SHOX: variants seen among roughly 807,000 people sequenced by gnomAD.
SHOX encodes the protein SHOX homeobox, also known as short stature homeobox protein.
A neutral mutation model predicts 29.6 loss-of-function variants in SHOX; 12 were observed. The ratio of observed to expected loss-of-function variants is 0.41; its 90% CI spans 0.26 to 0.66. SHOX has a LOEUF of 0.66. Among genes scored for constraint, SHOX ranks in the 30% least tolerant of loss-of-function variants. SHOX has a pLI of 0.35. For missense variants in SHOX, 499 were observed against 437.7 expected, an observed-to-expected ratio of 1.14 and a Z score of -1.25; for synonymous variants, 214 against 200.6, an observed-to-expected ratio of 1.07 and a Z score of -0.57.
rs1281787081 is a variant in SHOX, at chrX:643,446, G to A, written c.634-945G>A. Among the ~76,000 whole-genome samples the A allele has an allele frequency of 2.1e-5, 3 of 145,220 alleles. No individual in the cohort carries two copies. The East Asian group carries it at 6.4e-4, about 31-fold the overall frequency. On this transcript the variant is annotated intron_variant, in intron 4 of 4. Transcript: ENST00000686671. The stretch of plus-strand genomic sequence containing the variant: ...CCTTGGAGAGGCCTGGGGACCTGGT[G>A]ACCCGGGAGAGCCTTGGGGACCTGG...
chrX:641,486 C>T (rs1419832245), intron 4 of SHOX, among the ~76,000 whole-genome samples: 10 of 152,128 alleles, frequency 6.6e-5, no homozygotes, highest in African/African-American at 1.4e-4. Flanking sequence ...GTCAGGAATT[C>T]GAGACCAGCC....
rs1187680850 is a variant in SHOX at position 649,886 on chromosome X, A to C, written c.*5250A>C. ...TCCTTTGAGTGGCTGTTCTGGTGAA[A>C]TCTGTTTCTGACATATCCACTTTTC... On this transcript the variant is annotated 3_prime_UTR_variant, in exon 5 of 5. Transcript: ENST00000686671. 2.2e-6 allele frequency: 1 copy of C among 455,714 alleles called. No individual in the cohort carries two copies. Among genetic ancestry groups the C allele is most frequent in the Non-Finnish European group, 4.4e-6 (1 of 226,760 alleles). 28.2% of individuals were successfully genotyped at this position (455,714 alleles called of 1,614,324 possible).
At position 640,817 on chromosome X, in the gene SHOX, C is replaced by A. The variant is rs1342902960; in HGVS notation, c.487-4C>A. On this transcript the variant is annotated splice_region_variant and splice_polypyrimidine_tract_variant and intron_variant, in intron 2 of 4. Transcript: ENST00000686671. ...CTTCACATCTCTCTCTGCTTCTCCC[C>A]AAGGTTTGGTTCCAGAACCGGAGAG... 6.2e-7 allele frequency: 1 copy of A among 1,613,848 alleles called. No homozygotes were observed. Among genetic ancestry groups the A allele is most frequent in the East Asian group, 2.2e-5 (1 of 44,868 alleles).
rs2052944564 is a variant in SHOX, at chrX:645,275, G to A, written c.*639G>A. 6.6e-6 allele frequency: 1 copy of A among 152,070 alleles called. No individual in the cohort carries two copies. Among genetic ancestry groups the A allele is most frequent in the African/African-American group, 2.4e-5 (1 of 41,420 alleles). 9.4% of individuals were successfully genotyped at this position (152,070 alleles called of 1,614,324 possible). A position where few individuals can be genotyped will look rare whatever the true frequency, so the allele number is the denominator to read the frequency against. ...GGGCTTTGGAAAGGGAGGGGAGGGA[G>A]ACCCGAACCTCCCACGTTGGGACTC... On this transcript the variant is annotated 3_prime_UTR_variant, in exon 5 of 5. Coordinates refer to ENST00000686671, the MANE Select transcript of SHOX (RefSeq NM_000451.4).
downstream of SHOX, among the ~76,000 whole-genome samples, chrX:651,641 GAAAAAAAA>G (rs553983413): frequency 1.3e-4 from 14 of 107,560 alleles, no homozygotes; most frequent in East Asian, 2.6e-4. Context: ...AGGCTTATTG[GAAAAAAAA>G]AAAAAAAAAA....
intron 2 of SHOX, 82 bp downstream of exon 2, chrX:634,908 C>G (rs1207946560): frequency 2.1e-6 from 3 of 1,397,522 alleles, no homozygotes; most frequent in Admixed American, 2.2e-5. Context: ...CAGCCACCTG[C>G]GCCCGGGCCG....
chrX:633,841 T>A (rs2052690964), intron 1 of SHOX, among the ~76,000 whole-genome samples: 2 of 152,070 alleles, frequency 1.3e-5, no homozygotes, highest in Admixed American at 1.3e-4. Flanking sequence ...AGAGGCTGAA[T>A]GTCTAAAATG....
At chrX:643,315 C>T (rs1350988524) in intron 4 of SHOX, among the ~76,000 whole-genome samples, 6 of 107,726 alleles carry the variant, frequency 5.6e-5, no homozygotes, top group East Asian at 3.1e-4. Context: ...TCTGGTGAGC[C>T]GGGAGAGGCT....
In SHOX at chrX:644,597, G is replaced by C. The variant is rs914058289; in HGVS notation, c.840G>C (p.Arg280=). ...NSKNSSIADL[R]LKARKHAEAL... is the part of the protein sequence containing the mutation. ...AGAATTCCAGCATCGCCGACCTGCG[G>C]CTCAAGGCGCGGAAGCACGCGGAGG... Residue 280 remains arginine (R), a synonymous_variant, in exon 5 of 5, where the codon CGG becomes CGC. Coordinates refer to ENST00000686671, the MANE Select transcript of SHOX (RefSeq NM_000451.4). 3.6e-5 allele frequency: 54 copies of C among 1,511,466 alleles called. No individual in the cohort carries two copies. In the African/African-American group the frequency reaches 7.2e-4, roughly 20 times the overall value. 93.6% of individuals were successfully genotyped at this position (1,511,466 alleles called of 1,614,324 possible).
In SHOX at chrX:632,919, A is replaced by T. The variant is rs1172249181; in HGVS notation, c.278-1699A>T. Among the ~76,000 whole-genome samples, 3 of 152,216 alleles carry T rather than the reference A, an allele frequency of 2.0e-5. No individual in the cohort carries two copies. The East Asian group carries it at 5.8e-4, about 29-fold the overall frequency. On this transcript the variant is annotated intron_variant, in intron 1 of 4. Transcript: ENST00000686671. ...GTTGCTTTTTGGTTGTCCTTCGCAG[A>T]CACCGTTTTGCTCCTCTGAACTCTC...
chrX:655,600 CTCTCTCTCTCTCTCTATATATATATA>C (rs1374214717), downstream of SHOX, among the ~76,000 whole-genome samples: 265 of 54,078 alleles, frequency 4.9e-3, no homozygotes, highest in African/African-American at 6.8e-3. Context: ...CTCTCTCTCT[CTCTCTCTCTCTCTCTATATATATATA>C]TATATATATA....
In SHOX at chrX:645,627, C is replaced by A. The variant is rs1430352537; in HGVS notation, c.*991C>A. 2 of 152,086 alleles carry A rather than the reference C, an allele frequency of 1.3e-5. No individual in the cohort carries two copies. The highest frequency in any genetic ancestry group is 1.9e-4 in the East Asian group (1 of 5,150). The allele number at this position is 152,086 out of a possible 1,614,324, so 9.4% of individuals were successfully genotyped here. ...GAAAAGGCGTTACCTCTTCTCCCAGCGCTGGCCGCCTGGCCACTGAGGGCC... is the reference window on the plus strand; with the variant it reads ...GAAAAGGCGTTACCTCTTCTCCCAGAGCTGGCCGCCTGGCCACTGAGGGCC... On this transcript the variant is annotated 3_prime_UTR_variant, in exon 5 of 5. Coordinates refer to ENST00000686671, the MANE Select transcript of SHOX (RefSeq NM_000451.4).
At chrX:629,507 A>ATC (rs1359220780), upstream of SHOX, among the ~76,000 whole-genome samples, 16 of 73,366 alleles carry the variant, frequency 2.2e-4, no homozygotes, top group African/African-American at 8.3e-4. Context: ...CTCTCTCTCC[A>ATC]TCTCTCTCTC....
downstream of SHOX, among the ~76,000 whole-genome samples, chrX:652,259 G>A (rs1291611501): frequency 1.3e-5 from 2 of 151,694 alleles, no homozygotes; most frequent in Admixed American, 6.6e-5. Context: ...GCACGGTCTT[G>A]CAAGGATGAT....
chrX:643,519 G>C (rs963881247), intron 4 of SHOX, among the ~76,000 whole-genome samples: 2 of 144,918 alleles, frequency 1.4e-5, no homozygotes, highest in African/African-American at 5.2e-5. Context: ...AGAGGCTTGG[G>C]GACCTGGTGT....
rs937621256 is a variant in SHOX at position 651,234 on chromosome X, A to C, written c.*6598A>C. On this transcript the variant is annotated 3_prime_UTR_variant, in exon 5 of 5. Coordinates refer to ENST00000686671, the MANE Select transcript of SHOX (RefSeq NM_000451.4). ...GTTGCTTTTTCTTTTTCCCTCCCCC[A>C]TTGACGACATAGCGGCCCCCGCGTC... The C allele has an allele frequency of 1.3e-5, 6 of 447,328 alleles. No individual in the cohort carries two copies. The highest frequency in any genetic ancestry group is 1.0e-4 in the African/African-American group (5 of 49,736). The allele number at this position is 447,328 out of a possible 1,614,324, so 27.7% of individuals were successfully genotyped here.
At chrX:656,448 G>T (rs1206724849), downstream of SHOX, among the ~76,000 whole-genome samples, 5 of 151,726 alleles carry the variant, frequency 3.3e-5, no homozygotes, top group Non-Finnish European at 4.4e-5. Flanking sequence ...GCTGGCTGAT[G>T]CCTGTAATCC....
rs1028709975 is a variant in SHOX at position 645,345 on chromosome X, C to T, written c.*709C>T. On this transcript the variant is annotated 3_prime_UTR_variant, in exon 5 of 5. Transcript: ENST00000686671. ...ATGAGGACCGACTTTATAACTTTTC[C>T]AGTGTTTGATTCCCAAATTGGGTCT... 1.4e-5 allele frequency: 2 copies of T among 147,300 alleles called. No individual in the cohort carries two copies. Among genetic ancestry groups the T allele is most frequent in the Non-Finnish European group, 3.0e-5 (2 of 67,254 alleles). The allele number at this position is 147,300 out of a possible 1,614,324, so 9.1% of individuals were successfully genotyped here.
rs988552397 is a variant in SHOX, at chrX:634,708, A to C, written c.368A>C (p.Asn123Thr). 1.9e-6 allele frequency: 3 copies of C among 1,613,602 alleles called. No homozygotes were observed. Among genetic ancestry groups the C allele is most frequent in the Non-Finnish European group, 2.5e-6 (3 of 1,179,824 alleles). ...CTGAAACAGAGGCGCAGCCGCACCAACTTCACGCTGGAGCAGCTGAACGAG... is the reference window on the plus strand; with the variant it reads ...CTGAAACAGAGGCGCAGCCGCACCACCTTCACGCTGGAGCAGCTGAACGAG... Reference protein sequence around the residue: ...TKLKQRRSRTNFTLEQLNELE... With the variant: ...TKLKQRRSRTTFTLEQLNELE... The change falls in exon 2 of 5, where the codon AAC becomes ACC. Residue 123 changes from asparagine to threonine, a missense_variant. Physicochemically the swap from Asn to Thr is moderately conservative, Grantham distance 65. Transcript: ENST00000686671.
Sources: allele counts gnomAD v4.1 joint callset (sites outside exome capture counted in the v4.1 genomes callset), GRCh38; gene constraint gnomAD v4.1.1; transcripts MANE v1.5; gene names NCBI Gene and HGNC (gene_info 2026-07-23, HGNC 2026-07-21).